NETO1: variants seen among roughly 807,000 people sequenced by gnomAD.
NETO1 encodes neuropilin and tolloid-like protein 1.
NETO1 carries 26 observed loss-of-function variants against 61.3 expected under a neutral mutation model. The ratio of observed to expected loss-of-function variants is 0.42; its 90% CI spans 0.31 to 0.59. The LOEUF (loss-of-function observed/expected upper bound fraction) is 0.59. NETO1 is among the 20% of genes least tolerant of loss of function. The pLI is 0.12. For synonymous variants in NETO1, 225 were observed against 225.8 expected (o/e 1.00, Z 0.03); for missense variants, 531 against 662.8 (o/e 0.80, Z 2.18).
chr18:72,776,814 T>C (rs941742567), intron 7 of NETO1, among the ~76,000 whole-genome samples: 2 of 152,186 alleles, frequency 1.3e-5, no homozygotes, highest in African/African-American at 4.8e-5. Flanking sequence ...CGCTAACTTC[T>C]TCCCCCAAAT....
intron 7 of NETO1, among the ~76,000 whole-genome samples, chr18:72,762,124 G>A (rs2070994576): frequency 6.6e-6 from 1 of 151,804 alleles, no homozygotes; most frequent in Non-Finnish European, 1.5e-5. Flanking sequence ...TAGGGTGGGA[G>A]ATTATTAACA....
At chr18:72,810,696 C>A (rs575247368) in intron 4 of NETO1, among the ~76,000 whole-genome samples, 2 of 152,280 alleles carry the variant, frequency 1.3e-5, no homozygotes, top group African/African-American at 2.4e-5. Flanking sequence ...TTATGAGATA[C>A]CTGCTCAATC....
rs554825075 is a variant in NETO1, at chr18:72,796,666, C to T, written c.470-2262G>A. On this transcript the variant is annotated intron_variant, in intron 4 of 10. Coordinates refer to ENST00000327305, the MANE Select transcript of NETO1 (RefSeq NM_138966.5). ...TAATTTTTTGTACTTTTAGTAGAGACGGAGTTTCACCATGGTCTCGATCTC... is the reference window on the plus strand; with the variant it reads ...TAATTTTTTGTACTTTTAGTAGAGATGGAGTTTCACCATGGTCTCGATCTC... Among the ~76,000 whole-genome samples the T allele has an allele frequency of 2.5e-4, 38 of 152,082 alleles. No homozygotes were observed. In the South Asian group the frequency reaches 6.4e-3, roughly 26 times the overall value.
intron 7 of NETO1, among the ~76,000 whole-genome samples, chr18:72,778,842 T>C (rs1399901942): frequency 6.6e-6 from 1 of 152,132 alleles, no homozygotes; most frequent in African/African-American, 2.4e-5. Flanking sequence ...CCTCTACTCA[T>C]TACCCAGTTC....
intron 6 of NETO1, among the ~76,000 whole-genome samples, chr18:72,791,246 T>A (rs906388373): frequency 6.6e-6 from 1 of 152,172 alleles, no homozygotes; most frequent in Non-Finnish European, 1.5e-5. Flanking sequence ...AAATAATGTG[T>A]ATACATTTTA....
intron 4 of NETO1, among the ~76,000 whole-genome samples, chr18:72,832,997 T>C (rs1420838998): frequency 6.6e-6 from 1 of 152,236 alleles, no homozygotes; most frequent in Non-Finnish European, 1.5e-5. Flanking sequence ...ATGCTCTTCA[T>C]ATTCTCAACA....
intron 4 of NETO1, among the ~76,000 whole-genome samples, chr18:72,817,728 TAGATGTCACTTCCA>T: frequency 6.6e-6 from 1 of 152,362 alleles, no homozygotes; most frequent in South Asian, 2.1e-4. Context: ...GAAAAGTGAT[TAGATGTCACTTCCA>T]AGATTTGGTT....
At chr18:72,755,387 T>C (rs2070750503) in intron 8 of NETO1, among the ~76,000 whole-genome samples, 1 of 152,308 alleles carries the variant, frequency 6.6e-6, no homozygotes, top group East Asian at 1.9e-4. Flanking sequence ...TATCTTCTTT[T>C]GTCAACTGTT....
chr18:72,799,438 G>A (rs529456737), intron 4 of NETO1, among the ~76,000 whole-genome samples: 2 of 152,330 alleles, frequency 1.3e-5, no homozygotes, highest in Admixed American at 1.3e-4. Context: ...TCAAGTCTTT[G>A]AATGATTACA....
intron 6 of NETO1, among the ~76,000 whole-genome samples, chr18:72,785,201 T>C (rs949345518): frequency 1.5e-4 from 22 of 150,264 alleles, no homozygotes; most frequent in Non-Finnish European, 4.5e-5. Flanking sequence ...ATTCTGTATG[T>C]ATTTTTTTCT....
chr18:72,762,860 G>C (rs1307529441), intron 7 of NETO1, among the ~76,000 whole-genome samples: 1 of 152,002 alleles, frequency 6.6e-6, no homozygotes, highest in Non-Finnish European at 1.5e-5. Flanking sequence ...TATGTAGCAG[G>C]GGACGACAAA....
At chr18:72,829,505 A>G (rs545194690) in intron 4 of NETO1, among the ~76,000 whole-genome samples, 1 of 152,290 alleles carries the variant, frequency 6.6e-6, no homozygotes, top group South Asian at 2.1e-4. Context: ...TAACAACTTT[A>G]CCTGGACACA....
chr18:72,767,510 G>A (rs2071206070), intron 7 of NETO1, among the ~76,000 whole-genome samples: 1 of 152,110 alleles, frequency 6.6e-6, no homozygotes, highest in South Asian at 2.1e-4. Context: ...AATTACTTAA[G>A]ATACTTGTTT....
At chr18:72,756,920 A>G (rs1196528937) in intron 7 of NETO1, among the ~76,000 whole-genome samples, 1 of 152,154 alleles carries the variant, frequency 6.6e-6, no homozygotes, top group Non-Finnish European at 1.5e-5. Context: ...TGATTTCAAT[A>G]TAAGGAAAAA....
chr18:72,865,318 GATAAA>G, intron 1 of NETO1, 77 bp from the exon 2 acceptor site: 3 of 1,304,132 alleles, frequency 2.3e-6, no homozygotes, highest in South Asian at 2.6e-5. Context: ...ATAATTTCAA[GATAAA>G]ATAATATCAA....
chr18:72,777,604 G>C (rs927363938), intron 7 of NETO1, among the ~76,000 whole-genome samples: 3 of 151,560 alleles, frequency 2.0e-5, no homozygotes, highest in African/African-American at 7.3e-5. Context: ...TTAGCAGGGC[G>C]TGGTGGCGGG....
intron 4 of NETO1, among the ~76,000 whole-genome samples, chr18:72,843,180 C>T (rs1415700063): frequency 1.3e-5 from 2 of 152,088 alleles, no homozygotes; most frequent in African/African-American, 4.8e-5. Flanking sequence ...ATATTTTACC[C>T]GTTCTTATGC....
chr18:72,802,747 C>A (rs2072550460), intron 4 of NETO1, among the ~76,000 whole-genome samples: 2 of 152,182 alleles, frequency 1.3e-5, no homozygotes, highest in Non-Finnish European at 2.9e-5. Flanking sequence ...TGGCACCAAA[C>A]CTTAGCAGCT....
intron 7 of NETO1, among the ~76,000 whole-genome samples, chr18:72,769,835 T>C (rs1442946496): frequency 6.6e-6 from 1 of 152,120 alleles, no homozygotes; most frequent in Admixed American, 6.6e-5. Context: ...AGAGTATATG[T>C]ACATTCCCAG....
Sources: gnomAD v4.1 joint callset for allele counts (sites outside exome capture counted in the v4.1 genomes callset) on GRCh38, gnomAD v4.1.1 for gene constraint, MANE v1.5 for transcripts, NCBI Gene and HGNC (gene_info 2026-07-23, HGNC 2026-07-21) for gene names.